Variants in ZNF516 observed in about 807,000 individuals in gnomAD.
ZNF516 encodes zinc finger protein 516.
A neutral mutation model predicts 79.7 loss-of-function variants in ZNF516; 19 were observed. That is an observed-to-expected ratio of 0.24 (90% confidence interval 0.17 to 0.35). The LOEUF (loss-of-function observed/expected upper bound fraction) is 0.35, where lower values mean the gene tolerates loss of function less well. Among genes scored for constraint, ZNF516 ranks in the 10% least tolerant of loss-of-function variants. ZNF516 has a pLI of 1.00. For missense variants in ZNF516, 1,678 were observed against 1,679.5 expected (o/e 1.00, Z 0.02); for synonymous variants, 877 against 739.5 (o/e 1.19, Z -3.02).
chr18:76,468,241 A>T (rs1050306190), intron 1 of ZNF516, among the ~76,000 whole-genome samples: 4 of 152,198 alleles, frequency 2.6e-5, no homozygotes, highest in African/African-American at 9.7e-5. Flanking sequence ...AATACTTGTG[A>T]TTTGGAGCAG....
In ZNF516 at chr18:76,467,788, G is replaced by C. The variant is rs1179021862; in HGVS notation, c.-271-4647C>G. Among the ~76,000 whole-genome samples, 1 of 152,194 alleles carries C rather than the reference G, an allele frequency of 6.6e-6. No individual in the cohort carries two copies. The highest frequency in any genetic ancestry group is 2.4e-5 in the African/African-American group (1 of 41,460). On this transcript the variant is annotated intron_variant, in intron 1 of 6. Coordinates refer to ENST00000443185, the MANE Select transcript of ZNF516 (RefSeq NM_014643.4). This position sits in a 1 kb window ranked among gnomAD's most constrained non-coding sequence, Gnocchi z 4.2. ...CAAACTGTAAGCCCGTTCGATTCCT[G>C]AGTTATTTTTACCAAATAAATTCAA...
Position 76,371,573 on chromosome 18 carries a change from T to C in ZNF516, c.3260-2A>G. The C allele has an allele frequency of 6.2e-7, 1 of 1,608,390 alleles. No individual in the cohort carries two copies. Among genetic ancestry groups the C allele is most frequent in the Non-Finnish European group, 8.5e-7 (1 of 1,179,290 alleles). On this transcript the variant is annotated splice_acceptor_variant, in intron 4 of 6. Transcript: ENST00000443185. LOFTEE classifies it high-confidence loss of function. ...GCCGGGCCTGCGTCCGGAGTGTCCC[T>C]GCGGTGGCGAGGTGGTGGTGGTGGC...
rs1056904107 is a variant in ZNF516 at position 76,428,417 on chromosome 18, A to G, written c.1810+12828T>C. ...CAAAAAAAAAAAAAAAAAGAAAGAA[A>G]TCCATCATGAAATCCTCCTAAGTGT... is the stretch of plus-strand genomic sequence containing the variant. On this transcript the variant is annotated intron_variant, in intron 3 of 6. Coordinates refer to ENST00000443185, the MANE Select transcript of ZNF516 (RefSeq NM_014643.4). Among the ~76,000 whole-genome samples, 8 of 151,494 alleles carry G rather than the reference A, an allele frequency of 5.3e-5. No homozygotes were observed. In the East Asian group the frequency reaches 1.6e-3, roughly 30 times the overall value.
In ZNF516 at chr18:76,379,530, T is replaced by C. The variant is rs771096753; in HGVS notation, c.2584A>G (p.Ser862Gly). 11 of 1,613,524 alleles carry C rather than the reference T, an allele frequency of 6.8e-6. No individual in the cohort carries two copies. Among genetic ancestry groups the C allele is most frequent in the Non-Finnish European group, 9.3e-6 (11 of 1,179,862 alleles). ...TGGCTCTCCTTATTCTTAGGCATGC[T>C]AGCGGCTTTTGTGACCACTCCCAGG... ...SPLGVVTKAA[S>G]MPKNKESHSG... Residue 862 changes from serine to glycine, a missense_variant, in exon 4 of 7, where the codon AGC becomes GGC. By Grantham distance (56) the Ser-to-Gly change is moderately conservative. Transcript: ENST00000443185.
rs2074523104 is a variant in ZNF516, at chr18:76,360,680, A to AAC, written c.*1817_*1818insGT. On this transcript the variant is annotated 3_prime_UTR_variant, in exon 7 of 7. Transcript: ENST00000443185. The stretch of plus-strand genomic sequence containing the variant: ...ATATATATATATATATATATATATA[A>AAC]GCTAGCCAGTTACATTGCATCGTTT... 1 of 94,116 alleles carries AAC rather than the reference A, an allele frequency of 1.1e-5. No homozygotes were observed. Among genetic ancestry groups the AAC allele is most frequent in the Non-Finnish European group, 2.2e-5 (1 of 45,294 alleles). The allele number at this position is 94,116 out of a possible 1,614,324, so 5.8% of individuals were successfully genotyped here. A position where few individuals can be genotyped will look rare whatever the true frequency, so the allele number is the denominator to read the frequency against.
At position 76,423,050 on chromosome 18, in the gene ZNF516, G is replaced by C. The variant is rs1380954667; in HGVS notation, c.1810+18195C>G. On this transcript the variant is annotated intron_variant, in intron 3 of 6. Coordinates refer to ENST00000443185, the MANE Select transcript of ZNF516 (RefSeq NM_014643.4). ...GAGACCCTGGGCTGTGCACACCGCA[G>C]GACTCTCACCTGGAACACTCGGAGA... 2.6e-5 allele frequency among the ~76,000 whole-genome samples: 4 copies of C among 152,118 alleles called. No homozygotes were observed. The South Asian group carries it at 8.3e-4, about 32-fold the overall frequency.
In ZNF516 at chr18:76,442,934, T is replaced by C. The variant is rs372876556; in HGVS notation, c.121A>G (p.Lys41Glu). The change falls in exon 3 of 7, where the codon AAG (lysine) becomes GAG (glutamate). Residue 41 changes from lysine (K) to glutamate (E), a missense_variant. Physicochemically the swap from Lys to Glu is moderately conservative, Grantham distance 56. Transcript: ENST00000443185. The stretch of plus-strand genomic sequence containing the variant: ...AGCGAGCTCTGGAAGGGGAAGCTCT[T>C]GCCGCAGATGCAGCAGGTGTGGCAG... ...ATCHTCCICG[K>E]SFPFQSSLSQ... 6.2e-7 allele frequency: 1 copy of C among 1,611,484 alleles called. No individual in the cohort carries two copies. The highest frequency in any genetic ancestry group is 8.5e-7 in the Non-Finnish European group (1 of 1,179,754).
rs1568305526 is a variant in ZNF516, at chr18:76,451,286, G to GTCC, written c.-157-8078_-157-8076dup. Among the ~76,000 whole-genome samples the GTCC allele has an allele frequency of 1.3e-5, 2 of 152,150 alleles. No homozygotes were observed. Among genetic ancestry groups the GTCC allele is most frequent in the African/African-American group, 4.8e-5 (2 of 41,434 alleles). ...TGTGGCTTTACTTATCCCCGTCTGC[G>GTCC]TCCTCTCTGACCACCTTCCGGGGGC... On this transcript the variant is annotated intron_variant, in intron 2 of 6. Transcript: ENST00000443185. The surrounding 1 kb of genome is among the most constrained non-coding windows in gnomAD (Gnocchi z 6.0).
At chr18:76,460,630 C>G (rs113209420) in intron 2 of ZNF516, among the ~76,000 whole-genome samples, 2 of 152,094 alleles carry the variant, frequency 1.3e-5, no homozygotes, top group Non-Finnish European at 2.9e-5. Context: ...GTTTTCCTCC[C>G]TTTTTCAACG....
intron 1 of ZNF516, among the ~76,000 whole-genome samples, chr18:76,466,419 C>G (rs755844284): frequency 2.0e-5 from 3 of 152,366 alleles, no homozygotes; most frequent in Non-Finnish European, 4.4e-5. Flanking sequence ...CATGCTGCCA[C>G]GTGGACGGGA....
intron 3 of ZNF516, among the ~76,000 whole-genome samples, chr18:76,399,026 G>A (rs1489620721): frequency 6.6e-6 from 1 of 152,190 alleles, no homozygotes. Context: ...TGTCCTCCGT[G>A]ACAGAGGAAG....
chr18:76,383,761 G>C (rs1376905631), intron 3 of ZNF516, among the ~76,000 whole-genome samples: 2 of 152,216 alleles, frequency 1.3e-5, no homozygotes, highest in Non-Finnish European at 2.9e-5. Context: ...TCAGGCCTCA[G>C]GCCTTGGTGT....
chr18:76,434,142 C>T (rs2075699628), intron 3 of ZNF516, among the ~76,000 whole-genome samples: 1 of 152,132 alleles, frequency 6.6e-6, no homozygotes, highest in Non-Finnish European at 1.5e-5. Flanking sequence ...CATGAGATGC[C>T]CTATCTCACG....
rs761171616 is a variant in ZNF516 at position 76,442,041 on chromosome 18, G to C, written c.1014C>G (p.Ala338=). Residue 338 remains alanine, a synonymous_variant, in exon 3 of 7, where the codon GCC becomes GCG. Coordinates refer to ENST00000443185, the MANE Select transcript of ZNF516 (RefSeq NM_014643.4). ...GGTTTGTAAACAGGTTCCCGCACTT[G>C]GCGCAGACCTCGTAGAGGCTCAGGC... is the stretch of plus-strand genomic sequence containing the variant. ...VAGLSLYEVC[A]KCGNLFTNLD... The C allele has an allele frequency of 3.1e-6, 5 of 1,613,872 alleles. No homozygotes were observed. The highest frequency in any genetic ancestry group is 4.2e-6 in the Non-Finnish European group (5 of 1,179,898).
chr18:76,484,427 T>C (rs961508885), intron 1 of ZNF516, among the ~76,000 whole-genome samples: 1 of 152,224 alleles, frequency 6.6e-6, no homozygotes, highest in Non-Finnish European at 1.5e-5. Flanking sequence ...ATGCTTTCCT[T>C]CACGGTCATT....
intron 1 of ZNF516, among the ~76,000 whole-genome samples, chr18:76,485,291 GA>G (rs1289996228): frequency 8.5e-5 from 13 of 152,136 alleles, no homozygotes; most frequent in Admixed American, 5.9e-4. Context: ...AATCTGGGGG[GA>G]ATATGATTAT....
chr18:76,406,393 G>A (rs1005969836), intron 3 of ZNF516, among the ~76,000 whole-genome samples: 8 of 152,076 alleles, frequency 5.3e-5, no homozygotes, highest in East Asian at 1.9e-4. Flanking sequence ...GTGAAACCCC[G>A]TCTCTACTAA....
chr18:76,418,780 A>G (rs2145359770), intron 3 of ZNF516, among the ~76,000 whole-genome samples: 1 of 152,384 alleles, frequency 6.6e-6, no homozygotes, highest in Non-Finnish European at 1.5e-5. Flanking sequence ...AAGCCGGGGA[A>G]AATGAATTTA....
intron 4 of ZNF516, among the ~76,000 whole-genome samples, chr18:76,372,149 C>T (rs1008009661): frequency 3.3e-5 from 5 of 152,248 alleles, no homozygotes; most frequent in South Asian, 2.1e-4. Context: ...CCCCAAGGTG[C>T]GTGCACCTGC....
Sources: allele counts gnomAD v4.1 joint callset (sites outside exome capture counted in the v4.1 genomes callset), GRCh38; gene constraint gnomAD v4.1.1; non-coding constraint Gnocchi (gnomAD v3.1); transcripts MANE v1.5; gene names NCBI Gene and HGNC (gene_info 2026-07-23, HGNC 2026-07-21).